The following TMEM232 variants were observed in gnomAD, a reference collection of about 807,000 sequenced individuals.
TMEM232 encodes the protein transmembrane protein 232.
A neutral mutation model predicts 78.8 loss-of-function variants in TMEM232; 80 were observed. That is an observed-to-expected ratio of 1.01 (90% CI 0.85 to 1.22). The LOEUF is 1.22. Ranked by LOEUF, TMEM232 falls within the 50% of genes most tolerant of loss-of-function variation. The pLI, the probability that TMEM232 is intolerant of heterozygous loss-of-function variation, is 0.00. For synonymous variants in TMEM232, 297 were observed against 254.3 expected, an observed-to-expected ratio of 1.17 and a Z score of -1.60; for missense variants, 881 against 742.2, an observed-to-expected ratio of 1.19 and a Z score of -2.17.
chr5:110,728,252 T>G (rs368319703), upstream of TMEM232, among the ~76,000 whole-genome samples: 13 of 151,864 alleles, frequency 8.6e-5, 2 homozygotes, highest in East Asian at 5.8e-4. Context: ...CTACTTATTC[T>G]AAATATATCT....
intron 10 of TMEM232, among the ~76,000 whole-genome samples, chr5:110,577,708 C>T (rs1254738737): frequency 1.3e-5 from 2 of 152,038 alleles, no homozygotes; most frequent in East Asian, 3.9e-4. Context: ...ATAATGAGAT[C>T]ATGTCTTTTG....
At chr5:110,679,873 GTC>G (rs1792499788) in intron 1 of TMEM232, among the ~76,000 whole-genome samples, 1 of 151,962 alleles carries the variant, frequency 6.6e-6, no homozygotes, top group Non-Finnish European at 1.5e-5. Flanking sequence ...ATTTTTGGCT[GTC>G]TTTTTATTTT....
chr5:110,424,779 A>G, intron 13 of TMEM232, 44 bp downstream of exon 13: 1 of 1,414,996 alleles, frequency 7.1e-7, no homozygotes, highest in Non-Finnish European at 9.7e-7. Flanking sequence ...AGTGCTTTTA[A>G]GGAACAAAGC....
At chr5:110,490,010 G>C (rs1764859646) in intron 12 of TMEM232, among the ~76,000 whole-genome samples, 2 of 151,910 alleles carry the variant, frequency 1.3e-5, no homozygotes, top group Non-Finnish European at 2.9e-5. Flanking sequence ...TATAGTCTCA[G>C]CTACTCTGGA....
chr5:110,520,037 G>GTGTA (rs1554097418), intron 12 of TMEM232, among the ~76,000 whole-genome samples: 2 of 148,284 alleles, frequency 1.3e-5, no homozygotes, highest in East Asian at 4.0e-4. Context: ...ATATATTTAT[G>GTGTA]TATATATATA....
chr5:110,715,243 G>A (rs559786380), intron 1 of TMEM232, among the ~76,000 whole-genome samples: 21 of 151,826 alleles, frequency 1.4e-4, no homozygotes, highest in African/African-American at 4.1e-4. Context: ...ATGAAGGAGC[G>A]AAGGAATCAA....
chr5:110,738,000 C>G (rs1178853788), exon 1 of TMEM232: 1 of 226,920 alleles, frequency 4.4e-6, no homozygotes, highest in Non-Finnish European at 9.3e-6. Flanking sequence ...TACTATACAC[C>G]CATAAAAAAT....
At position 110,530,426 on chromosome 5, in the gene TMEM232, C is replaced by T. The variant is rs892568879; in HGVS notation, c.1456-1591G>A. 2.0e-5 allele frequency among the ~76,000 whole-genome samples: 3 copies of T among 152,248 alleles called. No homozygotes were observed. In the East Asian group the frequency reaches 5.8e-4, roughly 29 times the overall value. On this transcript the variant is annotated intron_variant, in intron 11 of 13. Coordinates refer to ENST00000455884, the MANE Select transcript of TMEM232 (RefSeq NM_001039763.4). ...TACGTCAAAGAGAGAGCTGCCCTGC[C>T]ATGTTTATTGCAACATTACTCTCAA...
intron 12 of TMEM232, among the ~76,000 whole-genome samples, chr5:110,496,906 G>A (rs1289580734): frequency 2.0e-5 from 3 of 151,968 alleles, no homozygotes; most frequent in Non-Finnish European, 4.4e-5. Flanking sequence ...CCATATTTTG[G>A]TATTGAATGA....
intron 11 of TMEM232, among the ~76,000 whole-genome samples, chr5:110,530,247 C>A (rs1367456971): frequency 6.6e-6 from 1 of 151,970 alleles, no homozygotes; most frequent in Non-Finnish European, 1.5e-5. Context: ...TAGCAAAAGG[C>A]AGGTATGCAA....
At chr5:110,462,771 C>G (rs1192207474) in intron 12 of TMEM232, among the ~76,000 whole-genome samples, 1 of 152,054 alleles carries the variant, frequency 6.6e-6, no homozygotes, top group East Asian at 1.9e-4. Flanking sequence ...TTCTGTCCCT[C>G]TAGGGTACCC....
chr5:110,646,871 A>G (rs1787556794), intron 2 of TMEM232, among the ~76,000 whole-genome samples: 1 of 151,904 alleles, frequency 6.6e-6, no homozygotes. Flanking sequence ...AAAAATGTAC[A>G]GAGGACCTGA....
chr5:110,570,430 A>C (rs1776815851), intron 10 of TMEM232, among the ~76,000 whole-genome samples: 1 of 151,990 alleles, frequency 6.6e-6, no homozygotes, highest in Admixed American at 6.6e-5. Context: ...CAAGTCTGGG[A>C]CATGAGAATA....
In TMEM232 at chr5:110,463,667, C is replaced by T. The variant is rs932206543; in HGVS notation, c.1704-38751G>A. Among the ~76,000 whole-genome samples, 3 of 152,320 alleles carry T rather than the reference C, an allele frequency of 2.0e-5. No individual in the cohort carries two copies. The South Asian group carries it at 6.2e-4, about 32-fold the overall frequency. ...GGTACAATTCTCTCTATTGCTGAGT[C>T]TAAAAACATGAGTCTTACTCCTAAG... On this transcript the variant is annotated intron_variant, in intron 12 of 13. Transcript: ENST00000455884.
chr5:110,674,474 G>C (rs1322046706), intron 1 of TMEM232, among the ~76,000 whole-genome samples: 1 of 152,118 alleles, frequency 6.6e-6, no homozygotes, highest in Non-Finnish European at 1.5e-5. Flanking sequence ...GATTTTGTGA[G>C]GTGCTAAAAC....
At chr5:110,709,498 CA>C (rs1351594565) in intron 1 of TMEM232, among the ~76,000 whole-genome samples, 1 of 151,748 alleles carries the variant, frequency 6.6e-6, no homozygotes, top group African/African-American at 2.4e-5. Flanking sequence ...GAATTGGGTC[CA>C]AAAAATTCAA....
At chr5:110,600,272 T>G (rs1289991800) in intron 10 of TMEM232, among the ~76,000 whole-genome samples, 1 of 151,640 alleles carries the variant, frequency 6.6e-6, no homozygotes, top group Non-Finnish European at 1.5e-5. Flanking sequence ...CAAGAATAAA[T>G]AAATTCAAAA....
chr5:110,566,019 T>C (rs965707369), intron 11 of TMEM232, among the ~76,000 whole-genome samples: 5 of 151,966 alleles, frequency 3.3e-5, no homozygotes, highest in Non-Finnish European at 7.4e-5. Flanking sequence ...TACTTTCTTA[T>C]AATCACATTC....
chr5:110,580,275 A>C (rs78209412), intron 10 of TMEM232, among the ~76,000 whole-genome samples: 2,161 of 151,826 alleles, frequency 0.014, 51 homozygotes, highest in African/African-American at 0.05. Context: ...GGTGACATTT[A>C]GCTGTTGTAA....
Sources: allele counts gnomAD v4.1 joint callset (sites outside exome capture counted in the v4.1 genomes callset), GRCh38; gene constraint gnomAD v4.1.1; transcripts MANE v1.5; gene names NCBI Gene and HGNC (gene_info 2026-07-23, HGNC 2026-07-21).